LTBP2: variants seen among roughly 807,000 people sequenced by gnomAD.
LTBP2 encodes the protein latent-transforming growth factor beta-binding protein 2.
In LTBP2, 103 loss-of-function variants were observed where a neutral mutation model predicts 210.6. The ratio of observed to expected loss-of-function variants is 0.49; its 90% CI spans 0.42 to 0.58. The LOEUF is 0.58. LTBP2 is among the 20% of genes least tolerant of loss of function. LTBP2 has a pLI of 0.00. For synonymous variants in LTBP2, 1,007 were observed against 1,015.0 expected (o/e 0.99, Z 0.15); for missense variants, 2,313 against 2,494.5 (o/e 0.93, Z 1.55).
intron 10 of LTBP2, among the ~76,000 whole-genome samples, chr14:74,529,903 T>C (rs912299495): frequency 1.3e-5 from 2 of 151,956 alleles, no homozygotes; most frequent in African/African-American, 4.8e-5. Context: ...AGGAGGAGAG[T>C]GGGCTGAAGA....
chr14:74,529,162 G>A (rs2087318387), intron 10 of LTBP2, 40 bp from the exon 11 acceptor site: 3 of 1,550,488 alleles, frequency 1.9e-6, no homozygotes, highest in South Asian at 1.2e-5. Context: ...CAGGTGGCCA[G>A]TGGGAGGGGA....
chr14:74,522,838 C>T lies in LTBP2; in HGVS notation c.2611G>A (p.Val871Ile), dbSNP rs1374523528. ...CVNLPDGYRC[V>I]CSPGYQLHPS... ...TGCAGCTGGTAGCCAGGGCTGCAGA[C>T]ACATCTGTATCCATCGGGGAGGTTC... Residue 871 changes from valine (V) to isoleucine (I), a missense_variant, in exon 16 of 36, where the codon GTC becomes ATC. This residue lies in a region of LTBP2 where 1,867 missense variants were observed against 1,976.9 expected (regional missense o/e 0.94). Transcript: ENST00000261978. 1 of 1,612,512 alleles carries T rather than the reference C, an allele frequency of 6.2e-7. No homozygotes were observed. Among genetic ancestry groups the T allele is most frequent in the Admixed American group, 1.7e-5 (1 of 59,882 alleles).
chr14:74,506,659 T>C (rs1490572009), intron 27 of LTBP2, 39 bp downstream of exon 27: 3 of 1,610,142 alleles, frequency 1.9e-6, no homozygotes, highest in Non-Finnish European at 2.5e-6. Flanking sequence ...GGCCTTCCCT[T>C]CCCTGGCCCA....
chr14:74,543,039 T>A (rs2087529716), intron 8 of LTBP2, among the ~76,000 whole-genome samples: 1 of 151,820 alleles, frequency 6.6e-6, no homozygotes, highest in Admixed American at 6.6e-5. Context: ...AGTGTTGGGA[T>A]TACAGGCGTG....
chr14:74,517,818 C>A (rs1319851945), intron 17 of LTBP2, among the ~76,000 whole-genome samples: 2 of 152,204 alleles, frequency 1.3e-5, no homozygotes, highest in Non-Finnish European at 2.9e-5. Context: ...TAAAGCCCAA[C>A]CCCACTCACG....
chr14:74,562,729 A>G (rs2087811124), intron 3 of LTBP2, among the ~76,000 whole-genome samples: 1 of 152,198 alleles, frequency 6.6e-6, no homozygotes, highest in African/African-American at 2.4e-5. Flanking sequence ...TTTTTAATCC[A>G]TCAGATTAGA....
At chr14:74,530,280 C>T (rs191951146) in intron 10 of LTBP2, among the ~76,000 whole-genome samples, 380 of 152,330 alleles carry the variant, frequency 2.5e-3, no homozygotes, top group Non-Finnish European at 4.0e-3. Flanking sequence ...ACCAAGGAGG[C>T]CCAATGATAA....
intron 8 of LTBP2, among the ~76,000 whole-genome samples, chr14:74,541,826 T>C (rs2087512436): frequency 6.6e-6 from 1 of 151,562 alleles, no homozygotes; most frequent in Non-Finnish European, 1.5e-5. Flanking sequence ...GCCTGGTAAG[T>C]GCTCCACGAT....
At chr14:74,518,811 C>G (rs1020977575) in intron 17 of LTBP2, among the ~76,000 whole-genome samples, 3 of 152,216 alleles carry the variant, frequency 2.0e-5, no homozygotes, top group Non-Finnish European at 4.4e-5. Flanking sequence ...CCCAGGAACC[C>G]ACGCTGTTAT....
chr14:74,552,929 G>T lies in LTBP2; in HGVS notation c.1155C>A (p.Gly385=), dbSNP rs768101761. The stretch of plus-strand genomic sequence containing the variant: ...CAGACTTGGGATCGTGCCCATGGCC[G>T]CCCTGGCTGTACAGGGTGGTGGTGT... ...RGDTTTLYSQ[G]GHGHDPKSGF... Residue 385 remains glycine (G), a synonymous_variant, in exon 5 of 36, where the codon GGC becomes GGA. Transcript: ENST00000261978. 4 of 1,613,724 alleles carry T rather than the reference G, an allele frequency of 2.5e-6. 1 individual carries two copies. In the South Asian group the frequency reaches 4.4e-5, roughly 18 times the overall value.
At position 74,506,008 on chromosome 14, in the gene LTBP2, C is replaced by T. The variant is rs549174203; in HGVS notation, c.4177+40G>A. On this transcript the variant is annotated intron_variant, in intron 28 of 35. Transcript: ENST00000261978. ...TGCAGAGGGACACGCTCTCTGTAAA[C>T]CTCTGAGTCACCATGGATAATGTGT... 7 of 1,613,472 alleles carry T rather than the reference C, an allele frequency of 4.3e-6. No homozygotes were observed. In the African/African-American group the frequency reaches 5.3e-5, roughly 12 times the overall value.
chr14:74,527,393 C>T (rs1350059448), intron 12 of LTBP2, 27 bp from the exon 13 acceptor site: 1 of 1,605,854 alleles, frequency 6.2e-7, no homozygotes, highest in Admixed American at 1.7e-5. Context: ...ACAGCGTGAG[C>T]TCAGGGAGGA....
intron 3 of LTBP2, among the ~76,000 whole-genome samples, chr14:74,560,409 A>G (rs2087779200): frequency 6.6e-6 from 1 of 152,252 alleles, no homozygotes; most frequent in South Asian, 2.1e-4. Context: ...TTTTCAACCA[A>G]GATGAGGAAA....
chr14:74,502,870 G>C lies in LTBP2; in HGVS notation c.4953C>G (p.Phe1651Leu), dbSNP rs1463512738. ...CGGGGCCATACTCATAGCCTGGCCG[G>C]AAGTGGACCCCGGCCTCCCGCTCTG... ...IEAEREAGVHFRPGYEYGPGP... is the reference protein window; with the variant it reads ...IEAEREAGVHLRPGYEYGPGP... The change falls in exon 34 of 36, where the codon TTC becomes TTG. Residue 1651 changes from phenylalanine (F) to leucine (L), a missense_variant. Coordinates refer to ENST00000261978, the MANE Select transcript of LTBP2 (RefSeq NM_000428.3). 1.4e-5 allele frequency: 22 copies of C among 1,613,862 alleles called. No individual in the cohort carries two copies. Among genetic ancestry groups the C allele is most frequent in the Non-Finnish European group, 1.9e-5 (22 of 1,180,028 alleles).
intron 3 of LTBP2, among the ~76,000 whole-genome samples, chr14:74,559,146 C>T (rs2087762852): frequency 6.6e-6 from 1 of 152,116 alleles, no homozygotes; most frequent in Admixed American, 6.6e-5. Flanking sequence ...ATACATCTCC[C>T]CAAGCAAATA....
chr14:74,508,780 C>A (rs775863380), intron 23 of LTBP2, 50 bp downstream of exon 23: 1 of 1,613,562 alleles, frequency 6.2e-7, no homozygotes, highest in East Asian at 2.2e-5. Context: ...TGCCTGCCTC[C>A]CCACACACTC....
At position 74,510,180 on chromosome 14, in the gene LTBP2, GCA is replaced by G; in HGVS notation, c.3060_3061del (p.Ala1021ProfsTer16). ...TTCTAGGTTGGTGCACTTTCCATGG[GCA>G]CAGACCCCGGGAGTCAGACACTCAT... is the stretch of plus-strand genomic sequence containing the variant. On this transcript the variant is annotated frameshift_variant, in exon 20 of 36. Coordinates refer to ENST00000261978, the MANE Select transcript of LTBP2 (RefSeq NM_000428.3). LOFTEE classifies it high-confidence loss of function. The G allele has an allele frequency of 3.7e-6, 6 of 1,613,990 alleles. No individual in the cohort carries two copies. The highest frequency in any genetic ancestry group is 5.1e-6 in the Non-Finnish European group (6 of 1,180,012).
chr14:74,554,209 G>A (rs927301352), intron 4 of LTBP2, among the ~76,000 whole-genome samples: 6 of 152,144 alleles, frequency 3.9e-5, no homozygotes, highest in African/African-American at 7.2e-5. Context: ...CCTCAGAAAC[G>A]TTATGCTAAG....
chr14:74,504,955 C>T (rs765679916), intron 29 of LTBP2, 28 bp downstream of exon 29: 10 of 1,274,694 alleles, frequency 7.8e-6, no homozygotes, highest in Admixed American at 3.6e-5. Context: ...GCTGACCCTT[C>T]GAGGATCTGG....
Sources: gnomAD v4.1 joint callset for allele counts (sites outside exome capture counted in the v4.1 genomes callset) on GRCh38, gnomAD v4.1.1 for gene constraint, gnomAD v4.1.1 regional missense constraint, MANE v1.5 for transcripts, NCBI Gene and HGNC (gene_info 2026-07-23, HGNC 2026-07-21) for gene names.